Variants in ZNF469 observed in about 807,000 individuals in gnomAD.
ZNF469 encodes the protein zinc finger protein 469.
A neutral mutation model predicts 1.0 loss-of-function variants in ZNF469; 1 was observed. That is an observed-to-expected ratio of 1.00 (90% confidence interval 0.35 to 4.73). ZNF469 has a LOEUF of 4.73. ZNF469 is among the 30% of genes most tolerant of loss of function. The pLI is 0.16. For missense variants in ZNF469, 6,100 were observed against 5,356.3 expected (o/e 1.14, Z -4.33); for synonymous variants, 2,703 against 2,363.4 (o/e 1.14, Z -4.17).
chr16:88,221,121 C>A, the ZNF469 span, among the ~76,000 whole-genome samples: 5 of 152,248 alleles, frequency 3.3e-5, no homozygotes, highest in East Asian at 9.7e-4. Context: ...ACTGGGAGTG[C>A]CCAGGACACA....
chr16:88,272,083 G>T, the ZNF469 span, among the ~76,000 whole-genome samples: 5 of 151,808 alleles, frequency 3.3e-5, no homozygotes, highest in Admixed American at 3.3e-4. Flanking sequence ...AGATAAATGG[G>T]TGGATGGATG....
chr16:88,214,502 T>C, the ZNF469 span, among the ~76,000 whole-genome samples: 2 of 152,136 alleles, frequency 1.3e-5, no homozygotes, highest in Admixed American at 6.5e-5. Context: ...GGTTTTATTT[T>C]AGTTCTTTAT....
chr16:88,333,737 G>A, the ZNF469 span, among the ~76,000 whole-genome samples: 1 of 135,402 alleles, frequency 7.4e-6, no homozygotes, highest in Non-Finnish European at 1.6e-5. Context: ...GGCCCGCGAG[G>A]TGGGGCTGGT....
At chr16:88,206,491 C>G in the ZNF469 span, among the ~76,000 whole-genome samples, 1 of 152,136 alleles carries the variant, frequency 6.6e-6, no homozygotes, top group Non-Finnish European at 1.5e-5. Flanking sequence ...CTTCCATGAT[C>G]GCAATCCTGT....
At chr16:88,331,252 CCATCACCATCACCTTCATAGTCATCAT>C in the ZNF469 span, among the ~76,000 whole-genome samples, 2 of 148,770 alleles carry the variant, frequency 1.3e-5, no homozygotes, top group East Asian at 2.0e-4. Flanking sequence ...ACCATCGTCA[CCATCACCATCACCTTCATAGTCATCAT>C]CATCACCATC....
At chr16:88,378,565 C>T (rs964516775), upstream of ZNF469, among the ~76,000 whole-genome samples, 3 of 152,124 alleles carry the variant, frequency 2.0e-5, no homozygotes, top group Non-Finnish European at 2.9e-5. Flanking sequence ...CCATAGGGAG[C>T]GCCGAGTCTG....
At chr16:88,187,458 C>G in the ZNF469 span, among the ~76,000 whole-genome samples, 2 of 152,212 alleles carry the variant, frequency 1.3e-5, no homozygotes, top group Admixed American at 1.3e-4. Context: ...TCTCACAGGC[C>G]CTCTGTAATC....
At chr16:88,396,527 C>CG (rs1904667489) in intron 1 of ZNF469, among the ~76,000 whole-genome samples, 3 of 146,896 alleles carry the variant, frequency 2.0e-5, no homozygotes, top group Non-Finnish European at 3.0e-5. Context: ...GGAGACCCGT[C>CG]TGAAGGGAGG....
In ZNF469 at chr16:88,437,196, G is replaced by T; in HGVS notation, c.9726G>T (p.Lys3242Asn). 6.5e-7 allele frequency: 1 copy of T among 1,549,532 alleles called. No homozygotes were observed. Among genetic ancestry groups the T allele is most frequent in the Non-Finnish European group, 8.7e-7 (1 of 1,146,580 alleles). Residue 3242 changes from lysine to asparagine, a missense_variant, in exon 3 of 3, where the codon AAG becomes AAT. Coordinates refer to ENST00000565624, the MANE Select transcript of ZNF469 (RefSeq NM_001367624.2). ...TEPAPKHHRG[K>N]RSAGKAAGSP... is the part of the protein sequence containing the mutation. ...CCGCGCCCAAACACCACAGGGGCAA[G>T]CGCTCCGCCGGCAAGGCCGCCGGGA...
At chr16:88,306,009 A>G in the ZNF469 span, among the ~76,000 whole-genome samples, 1 of 152,220 alleles carries the variant, frequency 6.6e-6, no homozygotes, top group Non-Finnish European at 1.5e-5. Context: ...CACCCCATGC[A>G]GCCATACACA....
chr16:88,138,772 C>T, the ZNF469 span, among the ~76,000 whole-genome samples: 7 of 152,210 alleles, frequency 4.6e-5, no homozygotes, highest in East Asian at 1.2e-3. Context: ...CTAATGGAAA[C>T]ACATTTAAAG....
the ZNF469 span, among the ~76,000 whole-genome samples, chr16:88,115,817 C>T: frequency 6.6e-6 from 1 of 152,236 alleles, no homozygotes; most frequent in African/African-American, 2.4e-5. Flanking sequence ...GGCTCTGGGC[C>T]CTTCCAGCCT....
chr16:88,237,565 GCCCTCCGTGCTCCTGC>G, the ZNF469 span, among the ~76,000 whole-genome samples: 1 of 96,304 alleles, frequency 1.0e-5, no homozygotes, highest in Non-Finnish European at 2.2e-5. Flanking sequence ...CACCCTCCCT[GCCCTCCGTGCTCCTGC>G]CACTCACCCT....
At position 88,431,892 on chromosome 16, in the gene ZNF469, G is replaced by T; in HGVS notation, c.4422G>T (p.Ala1474=). Residue 1474 remains alanine, a synonymous_variant, in exon 3 of 3, where the codon GCG becomes GCT. Transcript: ENST00000565624. ...FDPPLYGSLS[A]NRDSGLPFAC... ...CACCCCTCTATGGCAGCCTGTCTGC[G>T]AACAGGGACTCCGGTCTGCCGTTCG... 1 of 1,549,800 alleles carries T rather than the reference G, an allele frequency of 6.5e-7. No homozygotes were observed. Among genetic ancestry groups the T allele is most frequent in the Non-Finnish European group, 8.7e-7 (1 of 1,146,842 alleles).
chr16:88,325,600 G>C, the ZNF469 span, among the ~76,000 whole-genome samples: 1 of 152,242 alleles, frequency 6.6e-6, no homozygotes, highest in Non-Finnish European at 1.5e-5. Flanking sequence ...GTGTCCCAGG[G>C]TGGTAGAGCT....
At chr16:88,219,778 A>G in the ZNF469 span, among the ~76,000 whole-genome samples, 1 of 151,968 alleles carries the variant, frequency 6.6e-6, no homozygotes, top group Non-Finnish European at 1.5e-5. Flanking sequence ...TCATCATGTG[A>G]CTTGTGGGGA....
chr16:88,218,360 AG>A, the ZNF469 span, among the ~76,000 whole-genome samples: 1 of 149,884 alleles, frequency 6.7e-6, no homozygotes, highest in South Asian at 2.2e-4. Context: ...TCAGATGAGT[AG>A]GTTGCGAAAA....
At position 88,434,561 on chromosome 16, in the gene ZNF469, C is replaced by T. The variant is rs1567514575; in HGVS notation, c.7091C>T (p.Ala2364Val). ...TLQGAGPDSP[A>V]CLEGEMGTSS... ...CAGGGTGCAGGGCCGGACTCCCCCG[C>T]CTGCCTGGAAGGTGAGATGGGGACC... The change falls in exon 3 of 3, where the codon GCC becomes GTC. Residue 2364 changes from alanine (A) to valine (V), a missense_variant. By Grantham distance (64) the Ala-to-Val change is moderately conservative (BLOSUM62 0). Coordinates refer to ENST00000565624, the MANE Select transcript of ZNF469 (RefSeq NM_001367624.2). 1 of 1,550,338 alleles carries T rather than the reference C, an allele frequency of 6.5e-7. No homozygotes were observed. The highest frequency in any genetic ancestry group is 8.7e-7 in the Non-Finnish European group (1 of 1,146,928).
At chr16:88,393,265 G>A (rs574624882) in intron 1 of ZNF469, among the ~76,000 whole-genome samples, 2 of 152,376 alleles carry the variant, frequency 1.3e-5, no homozygotes, top group African/African-American at 2.4e-5. Context: ...GGTCACTCCC[G>A]GTGAGTGGGA....
Sources: gnomAD v4.1 joint callset for allele counts (sites outside exome capture counted in the v4.1 genomes callset) on GRCh38, gnomAD v4.1.1 for gene constraint, MANE v1.5 for transcripts, NCBI Gene and HGNC (gene_info 2026-07-23, HGNC 2026-07-21) for gene names.